The following ZMAT4 variants were observed in gnomAD, a reference collection of about 807,000 sequenced individuals.
The protein encoded by ZMAT4 is zinc finger matrin-type protein 4.
Under a neutral mutation model 28.7 loss-of-function variants are expected in ZMAT4, and 17 were observed. That is an observed-to-expected ratio of 0.59 (90% CI 0.41 to 0.89). The LOEUF (loss-of-function observed/expected upper bound fraction) is 0.89. Ranked by LOEUF, ZMAT4 falls within the 40% of genes least tolerant of loss-of-function variation. ZMAT4 has a pLI of 0.00. For missense variants in ZMAT4, 240 were observed against 283.8 expected (o/e 0.85, Z 1.11); for synonymous variants, 117 against 109.2 (o/e 1.07, Z -0.44).
At chr8:40,837,034 T>C (rs1816519960) in intron 1 of ZMAT4, among the ~76,000 whole-genome samples, 1 of 152,182 alleles carries the variant, frequency 6.6e-6, no homozygotes, top group African/African-American at 2.4e-5. Context: ...ACAATAATGA[T>C]GAGAGACGAT....
chr8:40,719,096 C>T (rs1810971867), intron 3 of ZMAT4, among the ~76,000 whole-genome samples: 1 of 152,142 alleles, frequency 6.6e-6, no homozygotes, highest in Non-Finnish European at 1.5e-5. Context: ...TTACCCCAAA[C>T]TGATGTTTTC....
At chr8:40,825,525 G>A (rs1024509910) in intron 2 of ZMAT4, 50 bp downstream of exon 2, 16 of 1,475,528 alleles carry the variant, frequency 1.1e-5, no homozygotes, top group East Asian at 5.0e-5. Context: ...ACAATGACCC[G>A]GGCTGCTCCC....
At chr8:40,794,793 G>A (rs1049950254) in intron 2 of ZMAT4, among the ~76,000 whole-genome samples, 19 of 151,836 alleles carry the variant, frequency 1.3e-4, no homozygotes, top group Non-Finnish European at 2.9e-5. Flanking sequence ...CTCAGCTGGG[G>A]ACACAAACGG....
intron 5 of ZMAT4, among the ~76,000 whole-genome samples, chr8:40,627,046 C>T (rs1806405651): frequency 6.6e-6 from 1 of 152,262 alleles, no homozygotes; most frequent in South Asian, 2.1e-4. Context: ...AATTGCATGG[C>T]CATCATCTAC....
intron 2 of ZMAT4, among the ~76,000 whole-genome samples, chr8:40,807,336 G>A (rs1815130226): frequency 6.6e-6 from 1 of 152,070 alleles, no homozygotes; most frequent in South Asian, 2.1e-4. Context: ...CAGATACTCA[G>A]GAGGCTGAGG....
At chr8:40,608,908 GC>G (rs1327762138) in intron 5 of ZMAT4, among the ~76,000 whole-genome samples, 4 of 152,144 alleles carry the variant, frequency 2.6e-5, no homozygotes, top group African/African-American at 9.7e-5. Context: ...CACACTTCAG[GC>G]ACTCACAGTT....
intron 1 of ZMAT4, among the ~76,000 whole-genome samples, chr8:40,874,138 C>T (rs528880406): frequency 6.6e-6 from 1 of 152,354 alleles, no homozygotes; most frequent in African/African-American, 2.4e-5. Context: ...CTATAAAACA[C>T]TCAGACCTGT....
chr8:40,568,292 C>G (rs1191035419), intron 6 of ZMAT4, among the ~76,000 whole-genome samples: 1 of 152,126 alleles, frequency 6.6e-6, no homozygotes, highest in Admixed American at 6.6e-5. Context: ...ACATTTCTTC[C>G]GAGAGTGCAG....
At chr8:40,587,905 A>G (rs1804720555) in intron 5 of ZMAT4, among the ~76,000 whole-genome samples, 1 of 152,080 alleles carries the variant, frequency 6.6e-6, no homozygotes, top group South Asian at 2.1e-4. Flanking sequence ...GTAAAAGGAT[A>G]GAAAAAGACA....
intron 1 of ZMAT4, among the ~76,000 whole-genome samples, chr8:40,872,138 C>A (rs530171094): frequency 1.3e-5 from 2 of 152,190 alleles, no homozygotes; most frequent in South Asian, 4.1e-4. Context: ...GACTGAGGAG[C>A]TGCTCAAGCA....
At chr8:40,596,068 G>T (rs548390764) in intron 5 of ZMAT4, among the ~76,000 whole-genome samples, 1 of 152,014 alleles carries the variant, frequency 6.6e-6, no homozygotes. Context: ...GTCCAGTCTG[G>T]GTGACAAGAC....
chr8:40,538,707 C>T (rs1287745900), intron 6 of ZMAT4, among the ~76,000 whole-genome samples: 3 of 152,126 alleles, frequency 2.0e-5, no homozygotes, highest in African/African-American at 7.2e-5. Flanking sequence ...CCTAATCTTT[C>T]CTGACTCCCC....
At position 40,767,746 on chromosome 8, in the gene ZMAT4, A is replaced by G. The variant is rs1813223798; in HGVS notation, c.103-16T>C. Reference sequence around the variant, plus strand: ...GTTTTCGACTCTGGGAAGGAAAAGCATAAGCAGATACTGTAAAAGATAAGC... The same window carrying G: ...GTTTTCGACTCTGGGAAGGAAAAGCGTAAGCAGATACTGTAAAAGATAAGC... On this transcript the variant is annotated splice_polypyrimidine_tract_variant and intron_variant, in intron 2 of 6. Coordinates refer to ENST00000297737, the MANE Select transcript of ZMAT4 (RefSeq NM_024645.3). 4 of 1,605,806 alleles carry G rather than the reference A, an allele frequency of 2.5e-6. No individual in the cohort carries two copies. Among genetic ancestry groups the G allele is most frequent in the Non-Finnish European group, 3.4e-6 (4 of 1,176,118 alleles).
At position 40,605,478 on chromosome 8, in the gene ZMAT4, T is replaced by C. The variant is rs1166657194; in HGVS notation, c.578-24217A>G. On this transcript the variant is annotated intron_variant, in intron 5 of 6. Transcript: ENST00000297737. ...GAGCAGGCTATTTAATTTTCATGTA[T>C]TTGTATGGTTTTGAGAGTTCCTTTT... Among the ~76,000 whole-genome samples the C allele has an allele frequency of 2.0e-5, 3 of 152,206 alleles. No individual in the cohort carries two copies. The East Asian group carries it at 5.8e-4, about 29-fold the overall frequency.
chr8:40,639,024 G>A (rs73677443), intron 5 of ZMAT4, among the ~76,000 whole-genome samples: 19,104 of 152,114 alleles, frequency 0.13, 1,499 homozygotes, highest in African/African-American at 0.22. Context: ...CTGTGCTGGC[G>A]GACTGCAGGA....
At chr8:40,615,550 C>G (rs1410985197) in intron 5 of ZMAT4, among the ~76,000 whole-genome samples, 5 of 152,216 alleles carry the variant, frequency 3.3e-5, no homozygotes, top group Admixed American at 3.3e-4. Flanking sequence ...CTCCCCGTCA[C>G]TGTCAAGTAC....
At chr8:40,842,340 T>C (rs1363796937) in intron 1 of ZMAT4, among the ~76,000 whole-genome samples, 1 of 152,026 alleles carries the variant, frequency 6.6e-6, no homozygotes, top group Non-Finnish European at 1.5e-5. Flanking sequence ...AATCCGGGGG[T>C]CTTTCCAGAG....
intron 6 of ZMAT4, among the ~76,000 whole-genome samples, chr8:40,571,016 C>T (rs2118507051): frequency 6.6e-6 from 1 of 152,258 alleles, no homozygotes; most frequent in East Asian, 1.9e-4. Flanking sequence ...ACAATTAAAG[C>T]TGAGACATTA....
chr8:40,624,202 C>G (rs961748691), intron 5 of ZMAT4, among the ~76,000 whole-genome samples: 1 of 152,150 alleles, frequency 6.6e-6, no homozygotes, highest in Non-Finnish European at 1.5e-5. Context: ...CAAGTGAGAT[C>G]GCAAGGGTAG....
Sources: gnomAD v4.1 joint callset for allele counts (sites outside exome capture counted in the v4.1 genomes callset) on GRCh38, gnomAD v4.1.1 for gene constraint, MANE v1.5 for transcripts, NCBI Gene and HGNC (gene_info 2026-07-23, HGNC 2026-07-21) for gene names.